RHBDL2: variants seen among roughly 807,000 people sequenced by gnomAD.
RHBDL2 encodes rhomboid like 2, also known as rhomboid-related protein 2.
A neutral mutation model predicts 31.7 loss-of-function variants in RHBDL2; 26 were observed. The ratio of observed to expected loss-of-function variants is 0.82; its 90% CI spans 0.60 to 1.14. The LOEUF (loss-of-function observed/expected upper bound fraction) is 1.14. RHBDL2 is among the 50% of genes most tolerant of loss of function. The pLI is 0.00. For missense variants in RHBDL2, 336 were observed against 364.4 expected, an observed-to-expected ratio of 0.92 and a Z score of 0.63; for synonymous variants, 123 against 127.2, an observed-to-expected ratio of 0.97 and a Z score of 0.22.
At chr1:38,928,640 T>G (rs1159721522) in intron 1 of RHBDL2, among the ~76,000 whole-genome samples, 1 of 150,632 alleles carries the variant, frequency 6.6e-6, no homozygotes, top group Non-Finnish European at 1.5e-5. Flanking sequence ...GAGATGGGGT[T>G]TCTCCATGTT....
Position 38,915,614 on chromosome 1 carries a change from C to T in RHBDL2, c.343G>A (p.Glu115Lys), listed in dbSNP as rs764143017. 6.2e-7 allele frequency: 1 copy of T among 1,614,172 alleles called. No individual in the cohort carries two copies. Among genetic ancestry groups the T allele is most frequent in the South Asian group, 1.1e-5 (1 of 91,084 alleles). Residue 115 changes from glutamate (E) to lysine (K), a missense_variant, in exon 3 of 8, where the codon GAG (glutamate) becomes AAG (lysine). Coordinates refer to ENST00000372990, the MANE Select transcript of RHBDL2 (RefSeq NM_017821.5). ...ILESPFIYSPEKREEAWRFIS... is the reference protein window; with the variant it reads ...ILESPFIYSPKKREEAWRFIS... ...AACCTCCAGGCTTCCTCCCTCTTCT[C>T]AGGACTGTAGATAAAGGGACTCTCC...
In RHBDL2 at chr1:38,916,931, G is replaced by GA. The variant is rs561940071; in HGVS notation, c.247-1222dup. Among the ~76,000 whole-genome samples, 376 of 143,746 alleles carry GA rather than the reference G, an allele frequency of 2.6e-3. 3 individuals carry two copies. Among genetic ancestry groups the GA allele is most frequent in the Middle Eastern group, 7.5e-3 (2 of 268 alleles). The allele number at this position is 143,746 out of a possible 152,430, so 94.3% of individuals were successfully genotyped here. On this transcript the variant is annotated intron_variant, in intron 2 of 7. Coordinates refer to ENST00000372990, the MANE Select transcript of RHBDL2 (RefSeq NM_017821.5). ...TATATACAGAGATTATCCTGGGTTT[G>GA]AAAAAAAAGAAAAAAATACAATGTA...
chr1:38,902,265 G>T (rs1412410043), intron 4 of RHBDL2, among the ~76,000 whole-genome samples: 7 of 141,196 alleles, frequency 5.0e-5, no homozygotes, highest in African/African-American at 1.8e-4. Context: ...GAACGCAGTG[G>T]CATGATCACA....
chr1:38,905,929 T>C (rs1198412034), intron 4 of RHBDL2, among the ~76,000 whole-genome samples: 1 of 151,650 alleles, frequency 6.6e-6, no homozygotes, highest in East Asian at 1.9e-4. Context: ...TAGCTGGGCA[T>C]GGTGGTGAGC....
intron 4 of RHBDL2, among the ~76,000 whole-genome samples, chr1:38,907,646 T>C (rs1270985502): frequency 6.6e-6 from 1 of 152,124 alleles, no homozygotes; most frequent in African/African-American, 2.4e-5. Flanking sequence ...GGCCGGAGGA[T>C]CACTTGAGCA....
intron 1 of RHBDL2, 34 bp from the exon 2 acceptor site, chr1:38,919,371 A>G (rs1474525219): frequency 2.0e-6 from 3 of 1,525,024 alleles, no homozygotes; most frequent in Non-Finnish European, 8.7e-7. Context: ...GAAGATGATC[A>G]AAATGATCTA....
chr1:38,932,349 A>C (rs907783693), intron 1 of RHBDL2, among the ~76,000 whole-genome samples: 2 of 152,256 alleles, frequency 1.3e-5, no homozygotes, highest in Non-Finnish European at 2.9e-5. Context: ...AGTTGAATAC[A>C]GCTGTGAATG....
At position 38,886,725 on chromosome 1, in the gene RHBDL2, T is replaced by A. The variant is rs758320812; in HGVS notation, c.733-42A>T. 1.7e-5 allele frequency: 25 copies of A among 1,436,304 alleles called. No individual in the cohort carries two copies. In the South Asian group the frequency reaches 3.3e-4, roughly 19 times the overall value. The allele number at this position is 1,436,304 out of a possible 1,614,324, so 89.0% of individuals were successfully genotyped here. A position where few individuals can be genotyped will look rare whatever the true frequency, so the allele number is the denominator to read the frequency against. ...GGAAAATGGAAATAAGTGAAGACAATGCTAATTGTGTATTTCAGTTGCATC... is the reference window on the plus strand; with the variant it reads ...GGAAAATGGAAATAAGTGAAGACAAAGCTAATTGTGTATTTCAGTTGCATC... On this transcript the variant is annotated intron_variant, in intron 7 of 7. Transcript: ENST00000372990.
chr1:38,929,430 A>G, intron 1 of RHBDL2: 1 of 1,289,480 alleles, frequency 7.8e-7, no homozygotes, highest in Non-Finnish European at 1.0e-6. Context: ...AGGCCCTGGC[A>G]AGGCCAACAC....
At chr1:38,927,917 G>A (rs1315682792) in intron 1 of RHBDL2, among the ~76,000 whole-genome samples, 1 of 151,948 alleles carries the variant, frequency 6.6e-6, no homozygotes, top group African/African-American at 2.4e-5. Context: ...AGCTAATAAG[G>A]GGAGGGCTGG....
intron 4 of RHBDL2, among the ~76,000 whole-genome samples, chr1:38,907,236 G>A (rs1421179502): frequency 2.6e-5 from 4 of 152,208 alleles, no homozygotes; most frequent in African/African-American, 9.7e-5. Context: ...AACTCAAAAT[G>A]GGTTGCATAT....
At chr1:38,935,364 AT>A (rs1313842801) in intron 1 of RHBDL2, among the ~76,000 whole-genome samples, 3 of 152,262 alleles carry the variant, frequency 2.0e-5, no homozygotes, top group African/African-American at 7.2e-5. Context: ...TAAGTTTAAT[AT>A]AGCATAATGG....
intron 1 of RHBDL2, among the ~76,000 whole-genome samples, chr1:38,922,051 G>T (rs1643322741): frequency 1.3e-5 from 2 of 152,116 alleles, no homozygotes; most frequent in Admixed American, 1.3e-4. Flanking sequence ...GATTTCAACA[G>T]TTCCAGAAAT....
intron 7 of RHBDL2, 62 bp from the exon 8 acceptor site, chr1:38,886,745 T>G (rs1642790223): frequency 7.6e-7 from 1 of 1,307,482 alleles, no homozygotes; most frequent in Non-Finnish European, 1.0e-6. Context: ...GTATTTCAGT[T>G]GCATCTCTCT....
At chr1:38,905,962 G>A (rs1192963089) in intron 4 of RHBDL2, among the ~76,000 whole-genome samples, 2 of 151,710 alleles carry the variant, frequency 1.3e-5, no homozygotes, top group Admixed American at 1.3e-4. Flanking sequence ...AGCTACTTGG[G>A]AGGCTGAGGC....
At chr1:38,920,640 T>A (rs1643300855) in intron 1 of RHBDL2, among the ~76,000 whole-genome samples, 1 of 147,662 alleles carries the variant, frequency 6.8e-6, no homozygotes, top group Non-Finnish European at 1.5e-5. Flanking sequence ...AGAGTCTCGC[T>A]CTGTCGCCCA....
intron 1 of RHBDL2, among the ~76,000 whole-genome samples, chr1:38,922,468 T>C: frequency 1.2e-5 from 1 of 84,986 alleles, no homozygotes; most frequent in African/African-American, 5.0e-5. Context: ...GGGGTCTTCT[T>C]GTGTTACCCA....
Position 38,911,436 on chromosome 1 carries a change from T to C in RHBDL2, c.396-2A>G. ...AGATTCCCCAAGATGTGCTGAACTC[T>C]GCAAAGACAAACAATAGTTGTCAAA... On this transcript the variant is annotated splice_acceptor_variant, in intron 3 of 7. Transcript: ENST00000372990. LOFTEE classifies it high-confidence loss of function. 1 of 1,599,142 alleles carries C rather than the reference T, an allele frequency of 6.3e-7. No homozygotes were observed. Among genetic ancestry groups the C allele is most frequent in the Non-Finnish European group, 8.6e-7 (1 of 1,166,454 alleles).
intron 1 of RHBDL2, among the ~76,000 whole-genome samples, chr1:38,937,892 A>G (rs1643526664): frequency 6.6e-6 from 1 of 152,204 alleles, no homozygotes; most frequent in Non-Finnish European, 1.5e-5. Flanking sequence ...AGTCTTAAAA[A>G]GGAAGACTAA....
Sources: gnomAD v4.1 joint callset for allele counts (sites outside exome capture counted in the v4.1 genomes callset) on GRCh38, gnomAD v4.1.1 for gene constraint, MANE v1.5 for transcripts, NCBI Gene and HGNC (gene_info 2026-07-23, HGNC 2026-07-21) for gene names.